Variants in BCL2L13 observed in about 807,000 individuals in gnomAD.
BCL2L13 encodes the protein BCL2 like 13, also known as bcl-2-like protein 13.
Under a neutral mutation model 25.8 loss-of-function variants are expected in BCL2L13, and 13 were observed. The observed-to-expected ratio is 0.50, with a 90% CI of 0.33 to 0.80. The LOEUF is 0.80. BCL2L13 is among the 30% of genes least tolerant of loss of function. BCL2L13 has a pLI of 0.02. For synonymous variants in BCL2L13, 244 were observed against 230.3 expected, an observed-to-expected ratio of 1.06 and a Z score of -0.54; for missense variants, 504 against 574.9, an observed-to-expected ratio of 0.88 and a Z score of 1.26.
chr22:17,722,631 C>G (rs1251369601), intron 6 of BCL2L13, among the ~76,000 whole-genome samples: 1 of 152,112 alleles, frequency 6.6e-6, no homozygotes, highest in African/African-American at 2.4e-5. Flanking sequence ...GTAGTGTCAG[C>G]TCTCAAACTG....
At chr22:17,700,615 C>G (rs913294973) in intron 5 of BCL2L13, among the ~76,000 whole-genome samples, 5 of 152,142 alleles carry the variant, frequency 3.3e-5, no homozygotes, top group African/African-American at 1.2e-4. Flanking sequence ...CCTGCTTCTA[C>G]CCGAGGCAAA....
chr22:17,727,073 G>A lies in BCL2L13; in HGVS notation c.997G>A (p.Glu333Lys). The change falls in exon 7 of 7, where the codon GAG (glutamate) becomes AAG (lysine). Residue 333 changes from glutamate (E) to lysine (K), a missense_variant. Glu to Lys is a moderately conservative substitution (Grantham distance 56). Transcript: ENST00000317582. ...GGCTTCTGTGGTCTTGCCAGCGCGG[G>A]AGCTGCAAGAGGCACTTCCTGAAGC... The part of the protein sequence containing the change: ...AVASVVLPAR[E>K]LQEALPEAPA... 2 of 1,614,206 alleles carry A rather than the reference G, an allele frequency of 1.2e-6. No homozygotes were observed. The highest frequency in any genetic ancestry group is 1.7e-6 in the Non-Finnish European group (2 of 1,180,038).
rs553583021 is a variant in BCL2L13, at chr22:17,696,019, A to G, written c.387-122A>G. The stretch of plus-strand genomic sequence containing the variant: ...AAAGCCACGTCTTGTACAAAACAGT[A>G]TGTTGAATAATCTTTGTCAGTTTAG... On this transcript the variant is annotated intron_variant, in intron 4 of 6. Transcript: ENST00000317582. The G allele has an allele frequency of 1.7e-3, 1,165 of 690,598 alleles. 25 individuals are homozygous for G. In the South Asian group the frequency reaches 0.018, roughly 11 times the overall value. The allele number at this position is 690,598 out of a possible 1,614,324, so 42.8% of individuals were successfully genotyped here.
chr22:17,688,427 A>G (rs963913008), intron 3 of BCL2L13, among the ~76,000 whole-genome samples: 2 of 152,232 alleles, frequency 1.3e-5, no homozygotes, highest in South Asian at 2.1e-4. Context: ...TTATAAATGT[A>G]AAACAAAATC....
chr22:17,662,850 T>C (rs559188735), intron 2 of BCL2L13, among the ~76,000 whole-genome samples: 4 of 152,216 alleles, frequency 2.6e-5, no homozygotes, highest in African/African-American at 7.2e-5. Context: ...TAAAATGTAA[T>C]ATCACCTTGT....
chr22:17,685,374 C>A, intron 3 of BCL2L13, among the ~76,000 whole-genome samples: 1 of 151,886 alleles, frequency 6.6e-6, no homozygotes, highest in Admixed American at 6.6e-5. Context: ...TACAGGTACC[C>A]ACCACCACGC....
chr22:17,649,246 C>T (rs1364498571), intron 1 of BCL2L13, among the ~76,000 whole-genome samples: 4 of 151,646 alleles, frequency 2.6e-5, no homozygotes, highest in African/African-American at 9.7e-5. Flanking sequence ...TATAGGCGCA[C>T]GCCACCATGC....
In BCL2L13 at chr22:17,629,937, G is replaced by C. The variant is rs566005444; in HGVS notation, c.-650+932G>C. On this transcript the variant is annotated intron_variant, in intron 1 of 6. Coordinates refer to the BCL2L13 transcript ENST00000399782. The stretch of plus-strand genomic sequence containing the variant: ...CTGAACATTAATTTCCTTTGTCCCG[G>C]GCCAGGCGCGGTGTCTCACGCCTGT... Among the ~76,000 whole-genome samples the C allele has an allele frequency of 2.6e-3, 401 of 152,044 alleles. 2 individuals are homozygous for C. Among genetic ancestry groups the C allele is most frequent in the African/African-American group, 9.0e-3 (373 of 41,430 alleles).
At chr22:17,632,749 CTTCTTTTTTTT>C (rs2058050577) in intron 1 of BCL2L13, among the ~76,000 whole-genome samples, 1 of 143,556 alleles carries the variant, frequency 7.0e-6, no homozygotes, top group Non-Finnish European at 1.5e-5. Flanking sequence ...TATGATTCTT[CTTCTTTTTTTT>C]TTTTTTTTTT....
Position 17,660,436 on chromosome 22 carries a change from T to C in BCL2L13, c.121+4604T>C, listed in dbSNP as rs910614976. On this transcript the variant is annotated intron_variant, in intron 2 of 6. Transcript: ENST00000317582. Reference sequence around the variant, plus strand: ...ACTTACTGATTGATTGATTGATTGATTGAGGCAGAGCCTTGCTCTTCTGCC... The same window carrying C: ...ACTTACTGATTGATTGATTGATTGACTGAGGCAGAGCCTTGCTCTTCTGCC... 8.2e-5 allele frequency among the ~76,000 whole-genome samples: 12 copies of C among 146,332 alleles called. 1 individual carries two copies. The highest frequency in any genetic ancestry group is 1.7e-4 in the Non-Finnish European group (11 of 64,290).
chr22:17,650,221 G>T (rs1228042216), intron 1 of BCL2L13, among the ~76,000 whole-genome samples: 4 of 152,086 alleles, frequency 2.6e-5, no homozygotes, highest in African/African-American at 7.2e-5. Context: ...TGACACAGTT[G>T]TTCACTGCCT....
intron 2 of BCL2L13, among the ~76,000 whole-genome samples, chr22:17,679,700 T>C (rs867802670): frequency 2.0e-5 from 3 of 152,044 alleles, no homozygotes; most frequent in Non-Finnish European, 2.9e-5. Context: ...GAGCTTTTTA[T>C]ATAAGCTTTT....
At chr22:17,639,314 C>T (rs2058183462) in intron 1 of BCL2L13, among the ~76,000 whole-genome samples, 1 of 152,248 alleles carries the variant, frequency 6.6e-6, no homozygotes, top group African/African-American at 2.4e-5. Flanking sequence ...CTTTGCCAGT[C>T]TTAGTCGTTT....
intron 2 of BCL2L13, among the ~76,000 whole-genome samples, chr22:17,671,823 C>T (rs910186641): frequency 1.3e-5 from 2 of 152,184 alleles, no homozygotes; most frequent in Non-Finnish European, 2.9e-5. Context: ...AAGCAATTCT[C>T]ATGCCTCAGC....
chr22:17,726,350 T>A (rs2061296270), intron 6 of BCL2L13, among the ~76,000 whole-genome samples: 1 of 137,094 alleles, frequency 7.3e-6, no homozygotes. Context: ...GACTCCATCT[T>A]AAAAAAAAAA....
intron 3 of BCL2L13, among the ~76,000 whole-genome samples, chr22:17,685,184 C>A (rs778588712): frequency 2.0e-5 from 3 of 151,048 alleles, no homozygotes; most frequent in African/African-American, 4.9e-5. Flanking sequence ...ACTATGTGGT[C>A]TTTTGTGACT....
rs372347478 is a variant in BCL2L13, at chr22:17,678,189, G to GT, written c.122-5017dup. 3.3e-5 allele frequency among the ~76,000 whole-genome samples: 5 copies of GT among 151,952 alleles called. No homozygotes were observed. In the South Asian group the frequency reaches 8.3e-4, roughly 25 times the overall value. Reference sequence around the variant, plus strand: ...GGGAACATGCCACTGTGCTCAGCTAGTTTTTTTTATTTTTCGTAGAAACAA... The same window carrying GT: ...GGGAACATGCCACTGTGCTCAGCTAGTTTTTTTTTATTTTTCGTAGAAACAA... On this transcript the variant is annotated intron_variant, in intron 2 of 6. Transcript: ENST00000317582.
At chr22:17,677,722 A>G (rs966138737) in intron 2 of BCL2L13, among the ~76,000 whole-genome samples, 4 of 152,124 alleles carry the variant, frequency 2.6e-5, no homozygotes, top group Non-Finnish European at 4.4e-5. Flanking sequence ...AAATACAAAA[A>G]TTAGCTGGGT....
intron 6 of BCL2L13, among the ~76,000 whole-genome samples, chr22:17,708,941 T>C (rs2060663232): frequency 6.6e-6 from 1 of 152,134 alleles, no homozygotes; most frequent in Middle Eastern, 3.2e-3. Context: ...ACATTAATTA[T>C]TAAGAGAGGC....
Sources: allele counts gnomAD v4.1 joint callset (sites outside exome capture counted in the v4.1 genomes callset), GRCh38; gene constraint gnomAD v4.1.1; transcripts MANE v1.5; gene names NCBI Gene and HGNC (gene_info 2026-07-23, HGNC 2026-07-21).